Variants in TEAD1 observed in about 807,000 individuals in gnomAD.
The protein encoded by TEAD1 is TEA domain transcription factor 1.
A neutral mutation model predicts 54.9 loss-of-function variants in TEAD1; 9 were observed. That is an observed-to-expected ratio of 0.16 (90% CI 0.10 to 0.29). The LOEUF is 0.29. Among genes scored for constraint, TEAD1 ranks in the 10% least tolerant of loss-of-function variants. TEAD1 has a pLI of 1.00. For synonymous variants in TEAD1, 200 were observed against 187.8 expected (o/e 1.07, Z -0.53); for missense variants, 387 against 535.9 (o/e 0.72, Z 2.74).
At chr11:12,820,970 A>G (rs1946532531) in intron 3 of TEAD1, among the ~76,000 whole-genome samples, 1 of 152,172 alleles carries the variant, frequency 6.6e-6, no homozygotes, top group Non-Finnish European at 1.5e-5. Flanking sequence ...AGGCAAGGGA[A>G]GTGTTTGCAG....
chr11:12,808,524 C>A (rs1273153198), intron 3 of TEAD1, among the ~76,000 whole-genome samples: 6 of 152,078 alleles, frequency 3.9e-5, no homozygotes, highest in Admixed American at 2.0e-4. Flanking sequence ...ACAGTAGTGT[C>A]CAATTTGCAG....
chr11:12,761,193 T>C (rs1211950537), intron 2 of TEAD1, among the ~76,000 whole-genome samples: 1 of 152,194 alleles, frequency 6.6e-6, no homozygotes, highest in East Asian at 1.9e-4. Context: ...AACCAGGAAG[T>C]TGTGATTCAT....
At chr11:12,726,517 A>G (rs1475297327) in intron 2 of TEAD1, among the ~76,000 whole-genome samples, 2 of 151,928 alleles carry the variant, frequency 1.3e-5, no homozygotes, top group Middle Eastern at 3.4e-3. Context: ...TCATAAGTAA[A>G]CAATGACCAC....
At chr11:12,796,453 G>T (rs1487645899) in intron 3 of TEAD1, among the ~76,000 whole-genome samples, 2 of 152,144 alleles carry the variant, frequency 1.3e-5, no homozygotes, top group Non-Finnish European at 2.9e-5. Flanking sequence ...AGGCTACGTG[G>T]GATGGCTTAT....
At chr11:12,775,501 CTG>C (rs1484292837) in intron 3 of TEAD1, among the ~76,000 whole-genome samples, 2 of 152,166 alleles carry the variant, frequency 1.3e-5, no homozygotes, top group African/African-American at 4.8e-5. Context: ...AAGCGTGTCT[CTG>C]ATTTATTATT....
chr11:12,841,473 G>C (rs1298332023), intron 3 of TEAD1, among the ~76,000 whole-genome samples: 1 of 152,172 alleles, frequency 6.6e-6, no homozygotes, highest in Non-Finnish European at 1.5e-5. Context: ...TTCTCCAAGG[G>C]AAACTCAATG....
intron 11 of TEAD1, among the ~76,000 whole-genome samples, chr11:12,928,450 T>G (rs1948943424): frequency 6.6e-6 from 1 of 151,974 alleles, no homozygotes. Context: ...CCTGGCTAAT[T>G]TTTTGTATTG....
intron 3 of TEAD1, among the ~76,000 whole-genome samples, chr11:12,827,949 A>G (rs143772463): frequency 2.6e-3 from 398 of 152,336 alleles, no homozygotes; most frequent in African/African-American, 9.1e-3. Flanking sequence ...TTCCTAGCCA[A>G]TGCAAAAATA....
At chr11:12,884,691 G>T (rs1948049937) in intron 9 of TEAD1, among the ~76,000 whole-genome samples, 2 of 152,190 alleles carry the variant, frequency 1.3e-5, no homozygotes, top group African/African-American at 4.8e-5. Context: ...ATGAGGGAAG[G>T]AATGTAAATT....
chr11:12,926,489 T>C (rs548660133), intron 11 of TEAD1, among the ~76,000 whole-genome samples: 1 of 152,242 alleles, frequency 6.6e-6, no homozygotes, highest in Non-Finnish European at 1.5e-5. Context: ...AAAGTCACAC[T>C]CACATTTTAT....
chr11:12,792,355 T>TA (rs10630085), intron 3 of TEAD1, among the ~76,000 whole-genome samples: 5,823 of 98,568 alleles, frequency 0.059, 473 homozygotes, highest in African/African-American at 0.18. Flanking sequence ...GGGAAAATAG[T>TA]AAAAAAAAAA....
chr11:12,771,792 G>T (rs1945316432), intron 3 of TEAD1, among the ~76,000 whole-genome samples: 1 of 152,122 alleles, frequency 6.6e-6, no homozygotes, highest in Non-Finnish European at 1.5e-5. Flanking sequence ...TTTATCAAGG[G>T]CAAAACTGGC....
chr11:12,881,243 G>A (rs988357624), intron 7 of TEAD1, among the ~76,000 whole-genome samples, 192 bp downstream of exon 7: 4 of 152,172 alleles, frequency 2.6e-5, no homozygotes, highest in African/African-American at 7.2e-5. Context: ...TCGGATCTGG[G>A]AGAGGTGGAA....
chr11:12,874,844 C>T (rs944028478), intron 5 of TEAD1, among the ~76,000 whole-genome samples: 1 of 152,054 alleles, frequency 6.6e-6, no homozygotes, highest in African/African-American at 2.4e-5. Context: ...GGGAGATTTC[C>T]CTTTTCTTTC....
Position 12,802,353 on chromosome 11 carries a change from CTTTT to C in TEAD1, c.202+37921_202+37924del, listed in dbSNP as rs199744244. 8.6e-3 allele frequency among the ~76,000 whole-genome samples: 1,302 copies of C among 152,144 alleles called. 21 individuals carry two copies. The highest frequency in any genetic ancestry group is 0.03 in the African/African-American group (1,233 of 41,486). On this transcript the variant is annotated intron_variant, in intron 3 of 12. Coordinates refer to ENST00000527636, the MANE Select transcript of TEAD1 (RefSeq NM_021961.6). The stretch of plus-strand genomic sequence containing the variant: ...GGAATAATGATGGGTTTTATTATTT[CTTTT>C]TGAGAAAAATCCAGTCACTTTTTTT...
chr11:12,700,145 C>T (rs1039711208), intron 2 of TEAD1, among the ~76,000 whole-genome samples: 1 of 152,158 alleles, frequency 6.6e-6, no homozygotes, highest in Non-Finnish European at 1.5e-5. Context: ...GAACTTTGTA[C>T]CTTTTTTTCT....
In TEAD1 at chr11:12,930,110, A is replaced by G. The variant is rs116160756; in HGVS notation, c.1015-64A>G. 3,865 of 1,597,230 alleles carry G rather than the reference A, an allele frequency of 2.4e-3. 86 individuals carry two copies. The African/African-American group carries it at 0.044, about 18-fold the overall frequency. On this transcript the variant is annotated intron_variant, in intron 11 of 12. Coordinates refer to ENST00000527636, the MANE Select transcript of TEAD1 (RefSeq NM_021961.6). ...AACTAAAATGCTTTTATGGGCAGTA[A>G]TATCTGTTTCATGTGTTTTGGAGTC...
At chr11:12,816,823 A>C (rs1033841858) in intron 3 of TEAD1, among the ~76,000 whole-genome samples, 4 of 152,192 alleles carry the variant, frequency 2.6e-5, no homozygotes, top group African/African-American at 9.6e-5. Context: ...TGGAGGGGAC[A>C]AAGTGGGACA....
At chr11:12,707,337 A>G (rs1178747772) in intron 2 of TEAD1, among the ~76,000 whole-genome samples, 1 of 151,842 alleles carries the variant, frequency 6.6e-6, no homozygotes, top group Non-Finnish European at 1.5e-5. Flanking sequence ...TATGTGTCAA[A>G]AACAAGATCT....
Sources: allele counts gnomAD v4.1 joint callset (sites outside exome capture counted in the v4.1 genomes callset), GRCh38; gene constraint gnomAD v4.1.1; transcripts MANE v1.5; gene names NCBI Gene and HGNC (gene_info 2026-07-23, HGNC 2026-07-21).